The following CFAP47 variants were observed in gnomAD, a reference collection of about 807,000 sequenced individuals.
The protein encoded by CFAP47 is cilia and flagella associated protein 47.
CFAP47 carries 29 observed loss-of-function variants against 148.1 expected under a neutral mutation model. The ratio of observed to expected loss-of-function variants is 0.20; its 90% confidence interval spans 0.15 to 0.27. The LOEUF (loss-of-function observed/expected upper bound fraction) is 0.27, where lower values mean the gene tolerates loss of function less well. CFAP47 is among the 10% of genes least tolerant of loss of function. The pLI is 1.00. For synonymous variants in CFAP47, 664 were observed against 577.3 expected (o/e 1.15, Z -2.15); for missense variants, 1,872 against 1,697.5 (o/e 1.10, Z -1.81).
intron 55 of CFAP47, among the ~76,000 whole-genome samples, chrX:36,307,135 A>G (rs1252643323): frequency 6.3e-5 from 7 of 111,427 alleles, no homozygotes; most frequent in Non-Finnish European, 1.3e-4. Context: ...TTCAATGTAC[A>G]TATCAAATCA....
chrX:35,953,384 A>AT (rs1936196423), intron 6 of CFAP47, among the ~76,000 whole-genome samples: 1 of 111,684 alleles, frequency 9.0e-6, no homozygotes, highest in Admixed American at 9.6e-5. Context: ...GCACGAACTC[A>AT]TTTTTCTCAG....
chrX:36,319,782 T>C (rs1470560018), intron 57 of CFAP47, among the ~76,000 whole-genome samples: 1 of 111,000 alleles, frequency 9.0e-6, no homozygotes, highest in Non-Finnish European at 1.9e-5. Context: ...TTTTTGTTGT[T>C]GTTTGGTTTT....
At chrX:36,345,798 T>A (rs991724585) in intron 57 of CFAP47, among the ~76,000 whole-genome samples, 1 of 111,701 alleles carries the variant, frequency 9.0e-6, no homozygotes, top group African/African-American at 3.2e-5. Flanking sequence ...CAACAAATAT[T>A]AACTGTTAAT....
intron 30 of CFAP47, among the ~76,000 whole-genome samples, chrX:36,097,115 C>T (rs910313581): frequency 9.0e-6 from 1 of 111,370 alleles, no homozygotes; most frequent in Admixed American, 9.6e-5. Context: ...AAGAAACAAG[C>T]GAAAAGAAAA....
intron 48 of CFAP47, among the ~76,000 whole-genome samples, chrX:36,244,766 C>G (rs1401814883): frequency 1.8e-5 from 2 of 110,966 alleles, no homozygotes; most frequent in African/African-American, 3.3e-5. Flanking sequence ...AGCCCTGGAC[C>G]AGATAGATTC....
intron 28 of CFAP47, among the ~76,000 whole-genome samples, chrX:36,072,865 G>A (rs1301665249): frequency 2.7e-5 from 3 of 111,330 alleles, no homozygotes; most frequent in African/African-American, 9.8e-5. Context: ...TTCCACTTCA[G>A]GGAATATTTT....
At chrX:36,213,079 T>C (rs1294315907) in intron 45 of CFAP47, among the ~76,000 whole-genome samples, 2 of 111,496 alleles carry the variant, frequency 1.8e-5, no homozygotes, top group South Asian at 3.8e-4. Context: ...TGCCACTGCA[T>C]CGAAAGTGAG....
chrX:36,376,650 T>A (rs1942025815), intron 62 of CFAP47, among the ~76,000 whole-genome samples: 1 of 111,766 alleles, frequency 8.9e-6, no homozygotes, highest in Admixed American at 9.5e-5. Flanking sequence ...ATACTTTAAG[T>A]TCTAGGGTAC....
intron 57 of CFAP47, among the ~76,000 whole-genome samples, 192 bp from the exon 58 acceptor site, chrX:36,347,937 A>T (rs1168310425): frequency 1.8e-5 from 2 of 112,022 alleles, no homozygotes; most frequent in African/African-American, 6.5e-5. Flanking sequence ...AATAATAATT[A>T]AAAAATAAGG....
chrX:36,082,201 A>G (rs1937996077), intron 29 of CFAP47, among the ~76,000 whole-genome samples: 1 of 111,512 alleles, frequency 9.0e-6, no homozygotes, highest in Non-Finnish European at 1.9e-5. Flanking sequence ...AAAACTTGTT[A>G]TTGTTCATAT....
At chrX:35,960,186 C>T (rs1170786773) in intron 8 of CFAP47, among the ~76,000 whole-genome samples, 2 of 106,213 alleles carry the variant, frequency 1.9e-5, no homozygotes, top group Non-Finnish European at 3.8e-5. Context: ...GTGATCTGCC[C>T]GCCTCAGCCT....
intron 1 of CFAP47, among the ~76,000 whole-genome samples, chrX:35,923,851 GTA>G (rs199512634): frequency 0.013 from 1,266 of 96,547 alleles, 100 homozygotes; most frequent in African/African-American, 0.048. Flanking sequence ...ATATATGTGT[GTA>G]TATATATATG....
At chrX:36,030,851 A>T (rs184182919) in intron 22 of CFAP47, among the ~76,000 whole-genome samples, 43 of 110,185 alleles carry the variant, frequency 3.9e-4, no homozygotes, top group Non-Finnish European at 6.3e-4. Flanking sequence ...AATGTTACAT[A>T]CTATGCCAGC....
chrX:36,192,322 G>A (rs1381419763), intron 42 of CFAP47, among the ~76,000 whole-genome samples: 1 of 111,364 alleles, frequency 9.0e-6, no homozygotes, highest in East Asian at 2.9e-4. Context: ...AAATTAGGTG[G>A]AGGAATTTCA....
chrX:36,075,199 ATTTT>A (rs1227421507), intron 29 of CFAP47, among the ~76,000 whole-genome samples: 19 of 105,646 alleles, frequency 1.8e-4, no homozygotes, highest in African/African-American at 5.3e-4. Context: ...TATATGTATT[ATTTT>A]TATTTATTTA....
chrX:36,032,300 C>T (rs1210167475), intron 23 of CFAP47, among the ~76,000 whole-genome samples: 5 of 109,111 alleles, frequency 4.6e-5, no homozygotes, highest in Non-Finnish European at 7.7e-5. Flanking sequence ...GACATTGGCC[C>T]CATGGAGAAA....
chrX:36,278,505 C>T (rs1044368170), intron 49 of CFAP47, among the ~76,000 whole-genome samples: 2 of 112,475 alleles, frequency 1.8e-5, no homozygotes, highest in African/African-American at 3.2e-5. Flanking sequence ...TCATAGCTTC[C>T]CTTGGCTAGG....
intron 7 of CFAP47, among the ~76,000 whole-genome samples, chrX:35,954,319 A>G (rs1159516729): frequency 9.0e-6 from 1 of 111,201 alleles, no homozygotes; most frequent in East Asian, 2.8e-4. Flanking sequence ...AAGAGAAAAT[A>G]GAGAATTAGG....
intron 49 of CFAP47, among the ~76,000 whole-genome samples, chrX:36,255,490 T>C (rs1241003739): frequency 2.7e-5 from 3 of 111,180 alleles, no homozygotes; most frequent in African/African-American, 9.8e-5. Flanking sequence ...CAGTACTGTG[T>C]TGATCAGTCA....
Sources: gnomAD v4.1 joint callset for allele counts (sites outside exome capture counted in the v4.1 genomes callset) on GRCh38, gnomAD v4.1.1 for gene constraint, MANE v1.5 for transcripts, NCBI Gene and HGNC (gene_info 2026-07-23, HGNC 2026-07-21) for gene names.